Variants in GIN1 observed in about 807,000 individuals in gnomAD.
GIN1 encodes gypsy retrotransposon integrase-like protein 1.
Under a neutral mutation model 51.4 loss-of-function variants are expected in GIN1, and 41 were observed. That is an observed-to-expected ratio of 0.80 (90% CI 0.62 to 1.04). GIN1 has a LOEUF of 1.04. Ranked by LOEUF, GIN1 falls within the 50% of genes least tolerant of loss-of-function variation. The pLI is 0.00. For synonymous variants in GIN1, 222 were observed against 206.5 expected (o/e 1.07, Z -0.64); for missense variants, 610 against 612.4 (o/e 1.00, Z 0.04).
chr5:103,106,839 T>C lies in GIN1; in HGVS notation c.210A>G (p.Lys70=). 6.2e-7 allele frequency: 1 copy of C among 1,604,198 alleles called. No individual in the cohort carries two copies. Among genetic ancestry groups the C allele is most frequent in the Middle Eastern group, 1.7e-4 (1 of 6,034 alleles). ...NRLVIVSEEE[K]KKVLRECHEN... Reference sequence around the variant, plus strand: ...CATGGCATTCTCTTAAGACTTTCTTTTTTTCCTCTTCTGAAACAATTACCA... The same window carrying C: ...CATGGCATTCTCTTAAGACTTTCTTCTTTTCCTCTTCTGAAACAATTACCA... The change falls in exon 3 of 8, where the codon AAA becomes AAG. Residue 70 remains lysine, a synonymous_variant. Coordinates refer to ENST00000399004, the MANE Select transcript of GIN1 (RefSeq NM_017676.2).
At chr5:103,115,572 C>T (rs34775) in intron 1 of GIN1, among the ~76,000 whole-genome samples, 38,802 of 151,932 alleles carry the variant, frequency 0.26, 5,520 homozygotes, top group East Asian at 0.45. Flanking sequence ...GTTTCAGTTA[C>T]ACAAAATGAA....
chr5:103,096,478 G>GTTAT, intron 7 of GIN1, 63 bp downstream of exon 7: 1 of 1,192,274 alleles, frequency 8.4e-7, no homozygotes, highest in South Asian at 1.5e-5. Flanking sequence ...AAAGGTTTCT[G>GTTAT]TTATTTTTAA....
At position 103,112,704 on chromosome 5, in the gene GIN1, A is replaced by G. The variant is rs111551389; in HGVS notation, c.-7-3990T>C. On this transcript the variant is annotated intron_variant, in intron 1 of 7. Transcript: ENST00000399004. Reference sequence around the variant, plus strand: ...AGTGTTCCATGATCTCTGAATCTAAAGTGATCTTGACCTCTCCTAATCTTC... The same window carrying G: ...AGTGTTCCATGATCTCTGAATCTAAGGTGATCTTGACCTCTCCTAATCTTC... Among the ~76,000 whole-genome samples the G allele has an allele frequency of 5.8e-3, 886 of 152,294 alleles. 6 individuals are homozygous for G. The highest frequency in any genetic ancestry group is 0.02 in the African/African-American group (851 of 41,548).
rs3836841 is a variant in GIN1 at position 103,117,581 on chromosome 5, TACACAC to T, written c.-8+2477_-8+2482del. ...GGTTCTCTATATGAAGAAAAAAATATACACACACACACACACACATATCATCTAGGT... is the reference window on the plus strand; with the variant it reads ...GGTTCTCTATATGAAGAAAAAAATATACACACACACACATATCATCTAGGT... On this transcript the variant is annotated intron_variant, in intron 1 of 7. Transcript: ENST00000399004. 1.0e-4 allele frequency among the ~76,000 whole-genome samples: 15 copies of T among 149,382 alleles called. No individual in the cohort carries two copies. In the East Asian group the frequency reaches 1.4e-3, roughly 14 times the overall value.
At chr5:103,089,986 A>T (rs1562323755) in intron 7 of GIN1, among the ~76,000 whole-genome samples, 1 of 152,162 alleles carries the variant, frequency 6.6e-6, no homozygotes. Flanking sequence ...ACAAAAAAAA[A>T]TAAAATAAAA....
intron 4 of GIN1, among the ~76,000 whole-genome samples, chr5:103,100,301 T>C (rs1258071473): frequency 2.6e-5 from 4 of 151,962 alleles, no homozygotes; most frequent in South Asian, 2.1e-4. Flanking sequence ...CATTTCACCA[T>C]GTTGCTTAGG....
intron 7 of GIN1, among the ~76,000 whole-genome samples, chr5:103,092,535 G>A (rs34804): frequency 0.21 from 31,878 of 152,020 alleles, 4,204 homozygotes; most frequent in Non-Finnish European, 0.29. Flanking sequence ...ATTAGAATGT[G>A]CTGCCATACT....
At chr5:103,101,057 G>C (rs980934059) in intron 4 of GIN1, among the ~76,000 whole-genome samples, 1 of 152,156 alleles carries the variant, frequency 6.6e-6, no homozygotes, top group African/African-American at 2.4e-5. Context: ...CTATGATAGA[G>C]ATTAATTTTT....
At chr5:103,109,642 T>C (rs1420114774) in intron 1 of GIN1, among the ~76,000 whole-genome samples, 1 of 152,158 alleles carries the variant, frequency 6.6e-6, no homozygotes, top group Non-Finnish European at 1.5e-5. Flanking sequence ...AGTCCCATCA[T>C]AACCTAAAAA....
intron 7 of GIN1, among the ~76,000 whole-genome samples, chr5:103,091,541 A>G (rs1290518061): frequency 1.3e-5 from 2 of 152,246 alleles, no homozygotes; most frequent in African/African-American, 2.4e-5. Flanking sequence ...TATGATTATG[A>G]CATCTGTTTG....
At position 103,097,321 on chromosome 5, in the gene GIN1, A is replaced by T; in HGVS notation, c.1001T>A (p.Leu334Gln). The T allele has an allele frequency of 6.3e-7, 1 of 1,577,700 alleles. No individual in the cohort carries two copies. Among genetic ancestry groups the T allele is most frequent in the Non-Finnish European group, 8.7e-7 (1 of 1,150,210 alleles). ...DKIMENKTTS[L>Q]GQMENNNLDE... is the part of the protein sequence containing the mutation. ...TCTATTGAATAGAATCACCTGGCCC[A>T]GTGAAGTTGTCTTATTCTCCATTAT... Residue 334 changes from leucine to glutamine, a missense_variant, in exon 6 of 8, where the codon CTG becomes CAG. By Grantham distance (113) the Leu-to-Gln change is moderately radical (BLOSUM62 -2). Transcript: ENST00000399004.
intron 1 of GIN1, among the ~76,000 whole-genome samples, chr5:103,117,274 T>C (rs1788058296): frequency 6.6e-6 from 1 of 152,046 alleles, no homozygotes; most frequent in South Asian, 2.1e-4. Context: ...CTAAGTGAAA[T>C]AAGCCAGACA....
At chr5:103,114,831 G>A (rs1465173892) in intron 1 of GIN1, among the ~76,000 whole-genome samples, 1 of 152,142 alleles carries the variant, frequency 6.6e-6, no homozygotes, top group African/African-American at 2.4e-5. Flanking sequence ...CAGGAAAAAA[G>A]CCAGAAGAGG....
intron 4 of GIN1, 105 bp downstream of exon 4, chr5:103,104,436 T>C: frequency 1.6e-6 from 1 of 615,014 alleles, no homozygotes; most frequent in Non-Finnish European, 2.9e-6. Context: ...CAGAAATTTA[T>C]CTGAACTTAT....
intron 1 of GIN1, among the ~76,000 whole-genome samples, chr5:103,109,307 T>C (rs1787810450): frequency 6.6e-6 from 1 of 152,056 alleles, no homozygotes; most frequent in Non-Finnish European, 1.5e-5. Flanking sequence ...TGTCTTCTGT[T>C]TCCTGCTAGG....
rs1787680783 is a variant in GIN1 at position 103,104,844 on chromosome 5, T to C, written c.336A>G (p.Val112=). 1.9e-6 allele frequency: 3 copies of C among 1,564,288 alleles called. No homozygotes were observed. The highest frequency in any genetic ancestry group is 2.3e-5 in the South Asian group (2 of 86,666). Residue 112 remains valine (V), a splice_region_variant and synonymous_variant, in exon 4 of 8, where the codon GTA becomes GTG. Coordinates refer to ENST00000399004, the MANE Select transcript of GIN1 (RefSeq NM_017676.2). ...CCACTTGGCAATGCTGACAAGCATA[T>C]ACCTACAACAGGCACACAATAAAGA... The part of the protein sequence containing the change: ...TSVTNDVKQW[V]YACQHCQVAK...
chr5:103,119,706 T>C (rs140911061), intron 1 of GIN1, among the ~76,000 whole-genome samples: 109 of 152,264 alleles, frequency 7.2e-4, no homozygotes, highest in Admixed American at 3.3e-3. Flanking sequence ...GTGCTTAGTC[T>C]CAAACGCTGT....
At position 103,097,509 on chromosome 5, in the gene GIN1, A is replaced by T. The variant is rs374705868; in HGVS notation, c.832-19T>A. The T allele has an allele frequency of 1.3e-6, 2 of 1,504,704 alleles. No individual in the cohort carries two copies. The highest frequency in any genetic ancestry group is 2.8e-5 in the African/African-American group (2 of 71,708). The allele number at this position is 1,504,704 out of a possible 1,614,324, so 93.2% of individuals were successfully genotyped here. On this transcript the variant is annotated intron_variant, in intron 5 of 7. Transcript: ENST00000399004. ...TAGGTTCCTATTTTAAAGAAAATAA[A>T]CGTCAATTTTGTAATAAAACATTTA...
intron 1 of GIN1, among the ~76,000 whole-genome samples, chr5:103,111,345 TACTACATATA>T: frequency 6.6e-6 from 1 of 152,296 alleles, no homozygotes; most frequent in South Asian, 2.1e-4. Flanking sequence ...ATTAATAATA[TACTACATATA>T]ACCTCCTGTT....
Sources: allele counts gnomAD v4.1 joint callset (sites outside exome capture counted in the v4.1 genomes callset), GRCh38; gene constraint gnomAD v4.1.1; transcripts MANE v1.5; gene names NCBI Gene and HGNC (gene_info 2026-07-23, HGNC 2026-07-21).